SLC67A2: variants seen among roughly 807,000 people sequenced by gnomAD.
The protein encoded by SLC67A2 is solute carrier family 67 member 2.
chr2:102,721,239 C>T, the SLC67A2 span, among the ~76,000 whole-genome samples: 1 of 152,172 alleles, frequency 6.6e-6, no homozygotes, highest in Admixed American at 6.5e-5. Context: ...TGAGTGATAC[C>T]ACATTCATGT....
At chr2:102,736,430 G>T in the SLC67A2 span, 1 of 1,318,538 alleles carries the variant, frequency 7.6e-7, no homozygotes, top group Non-Finnish European at 1.0e-6. Context: ...CGAACGGGGT[G>T]CAAGAGAAAG....
chr2:102,719,442 A>G, the SLC67A2 span, among the ~76,000 whole-genome samples: 1 of 152,194 alleles, frequency 6.6e-6, no homozygotes, highest in African/African-American at 2.4e-5. Flanking sequence ...TACCTACAAA[A>G]TACTCACTGC....
chr2:102,717,115 C>T, the SLC67A2 span: 1 of 152,202 alleles, frequency 6.6e-6, no homozygotes, highest in Non-Finnish European at 1.5e-5. Context: ...TCACCGCAAG[C>T]TCCGCCTCCC....
the SLC67A2 span, chr2:102,718,900 C>A: frequency 1.2e-6 from 2 of 1,614,088 alleles, no homozygotes; most frequent in Middle Eastern, 1.6e-4. Context: ...TGGGCCGCAC[C>A]CCAAAGCGCT....
the SLC67A2 span, among the ~76,000 whole-genome samples, chr2:102,715,103 T>C: frequency 6.6e-6 from 1 of 152,082 alleles, no homozygotes. Flanking sequence ...CGCGACCAGC[T>C]CTCCCTCAGG....
At chr2:102,715,577 C>T in the SLC67A2 span, among the ~76,000 whole-genome samples, 1 of 152,064 alleles carries the variant, frequency 6.6e-6, no homozygotes, top group African/African-American at 2.4e-5. Context: ...CAGAGGCCTA[C>T]CTTCTGCTCT....
chr2:102,732,518 C>T, the SLC67A2 span: 29 of 865,290 alleles, frequency 3.4e-5, no homozygotes, highest in Middle Eastern at 2.5e-4. Context: ...ATTTTAAACA[C>T]GTAAGAAATC....
chr2:102,724,572 AC>A, the SLC67A2 span, among the ~76,000 whole-genome samples: 1 of 152,096 alleles, frequency 6.6e-6, no homozygotes, highest in Non-Finnish European at 1.5e-5. Flanking sequence ...ATGTCCCTAG[AC>A]CCCCCACGTG....
the SLC67A2 span, chr2:102,723,942 T>C: frequency 7.1e-6 from 11 of 1,552,032 alleles, no homozygotes; most frequent in East Asian, 2.5e-4. Context: ...CTCTGTAACT[T>C]TTTCCAGACC....
the SLC67A2 span, chr2:102,719,022 G>C: frequency 6.2e-7 from 1 of 1,614,192 alleles, no homozygotes; most frequent in Middle Eastern, 1.6e-4. Context: ...TTCATGTTCC[G>C]CAAGGCCAAC....
the SLC67A2 span, among the ~76,000 whole-genome samples, chr2:102,731,319 G>C: frequency 6.6e-6 from 1 of 151,826 alleles, no homozygotes; most frequent in Non-Finnish European, 1.5e-5. Context: ...AGAGAAAAAA[G>C]GCAAAAGGTG....
the SLC67A2 span, chr2:102,736,697 A>C: frequency 6.2e-7 from 1 of 1,613,158 alleles, no homozygotes; most frequent in African/African-American, 1.3e-5. Flanking sequence ...CTCCGACGGC[A>C]CCGGAGTCGG....
At chr2:102,723,343 C>T in the SLC67A2 span, among the ~76,000 whole-genome samples, 3 of 152,278 alleles carry the variant, frequency 2.0e-5, no homozygotes, top group Middle Eastern at 3.4e-3. Flanking sequence ...GTGGCATATG[C>T]CTGTAATCCC....
chr2:102,732,154 T>C, the SLC67A2 span: 8 of 731,488 alleles, frequency 1.1e-5, no homozygotes, highest in Middle Eastern at 9.2e-4. Context: ...AAAAAAGGAA[T>C]TGCATTTGCT....
chr2:102,723,887 GGAGA>G, the SLC67A2 span: 59 of 1,613,880 alleles, frequency 3.7e-5, no homozygotes, highest in Non-Finnish European at 4.3e-5. Flanking sequence ...CCCTTGAGAT[GGAGA>G]GAGTGTGTTT....
the SLC67A2 span, chr2:102,736,413 C>G: frequency 8.6e-7 from 1 of 1,159,244 alleles, no homozygotes; most frequent in Non-Finnish European, 1.2e-6. Flanking sequence ...GAAGGGAAGA[C>G]GTTCCGCGAA....
chr2:102,721,291 G>A, the SLC67A2 span, among the ~76,000 whole-genome samples: 1 of 152,138 alleles, frequency 6.6e-6, no homozygotes. Context: ...CATCAACGAG[G>A]CATGTGTTTG....
the SLC67A2 span, among the ~76,000 whole-genome samples, chr2:102,733,997 C>T: frequency 1.3e-5 from 2 of 152,230 alleles, no homozygotes; most frequent in African/African-American, 4.8e-5. Flanking sequence ...TCTAAAATTG[C>T]CTTCTCCTTT....
At chr2:102,721,574 G>C in the SLC67A2 span, among the ~76,000 whole-genome samples, 1 of 152,276 alleles carries the variant, frequency 6.6e-6, no homozygotes, top group African/African-American at 2.4e-5. Flanking sequence ...ATTTATCCAA[G>C]GGCCAGCCAT....
Sources: gnomAD v4.1 joint callset for allele counts (sites outside exome capture counted in the v4.1 genomes callset) on GRCh38, gnomAD v4.1.1 for gene constraint, MANE v1.5 for transcripts, NCBI Gene and HGNC (gene_info 2026-07-23, HGNC 2026-07-21) for gene names.